Variants in ZRANB3 observed in about 807,000 individuals in gnomAD.
ZRANB3 encodes DNA annealing helicase and endonuclease ZRANB3.
ZRANB3 carries 125 observed loss-of-function variants against 133.8 expected under a neutral mutation model. The ratio of observed to expected loss-of-function variants is 0.93; its 90% CI spans 0.81 to 1.08. ZRANB3 has a LOEUF of 1.08. Ranked by LOEUF, ZRANB3 falls within the 50% of genes least tolerant of loss-of-function variation. ZRANB3 has a pLI of 0.00. For synonymous variants in ZRANB3, 387 were observed against 432.7 expected (o/e 0.89, Z 1.31); for missense variants, 1,229 against 1,275.5 (o/e 0.96, Z 0.56).
chr2:135,360,450 T>C (rs1685633530), intron 3 of ZRANB3, among the ~76,000 whole-genome samples: 1 of 151,350 alleles, frequency 6.6e-6, no homozygotes, highest in African/African-American at 2.4e-5. Context: ...CTCATGCCTG[T>C]ATCCCAGCAC....
intron 2 of ZRANB3, among the ~76,000 whole-genome samples, chr2:135,497,514 T>G (rs572024546): frequency 7.2e-4 from 109 of 152,310 alleles, no homozygotes; most frequent in African/African-American, 2.4e-3. Context: ...AATCATTAGT[T>G]GCACTAGCCA....
rs139418621 is a variant in ZRANB3, at chr2:135,288,501, T to C, written c.967-12746A>G. On this transcript the variant is annotated intron_variant, in intron 8 of 20. Coordinates refer to ENST00000264159, the MANE Select transcript of ZRANB3 (RefSeq NM_032143.4). ...ATCTTTCGGAACAGTTTCAATAGAA[T>C]TGGTACCAATTCAGTTGTGAATCCA... 2.6e-4 allele frequency among the ~76,000 whole-genome samples: 39 copies of C among 152,288 alleles called. No individual in the cohort carries two copies. In the East Asian group the frequency reaches 6.4e-3, roughly 25 times the overall value.
chr2:135,264,177 G>C (rs1261945794), intron 12 of ZRANB3, among the ~76,000 whole-genome samples: 4 of 151,332 alleles, frequency 2.6e-5, no homozygotes, highest in African/African-American at 9.7e-5. Context: ...GATGGAATTA[G>C]AAAAACCATT....
intron 9 of ZRANB3, among the ~76,000 whole-genome samples, chr2:135,275,286 G>T (rs1264041733): frequency 6.6e-6 from 1 of 151,158 alleles, no homozygotes; most frequent in Non-Finnish European, 1.5e-5. Context: ...GGGGCGGCTG[G>T]CCGGGCGGGG....
At chr2:135,519,089 G>A (rs1461217742) in intron 1 of ZRANB3, among the ~76,000 whole-genome samples, 1 of 152,066 alleles carries the variant, frequency 6.6e-6, no homozygotes, top group African/African-American at 2.4e-5. Context: ...CAAAATTTTA[G>A]AAATGGATAA....
intron 2 of ZRANB3, among the ~76,000 whole-genome samples, chr2:135,430,523 C>T (rs553927945): frequency 4.0e-5 from 6 of 151,150 alleles, no homozygotes; most frequent in African/African-American, 9.7e-5. Context: ...AACATTTGTT[C>T]AAATAGATGA....
intron 2 of ZRANB3, among the ~76,000 whole-genome samples, chr2:135,483,181 C>T (rs973801612): frequency 6.6e-5 from 10 of 151,544 alleles, no homozygotes; most frequent in African/African-American, 2.4e-4. Flanking sequence ...GGAATAGTTT[C>T]AGAAGGAATG....
chr2:135,245,945 A>AAAAAAAAAAAAAAAAAAAAAAAAAAAAAG (rs1437529464), intron 12 of ZRANB3, among the ~76,000 whole-genome samples: 1 of 146,574 alleles, frequency 6.8e-6, no homozygotes, highest in Non-Finnish European at 1.5e-5. Context: ...AAAAAAAAAA[A>AAAAAAAAAAAAAAAAAAAAAAAAAAAAAG]AAAGAGACAG....
At chr2:135,338,776 T>C (rs1684489787) in intron 6 of ZRANB3, among the ~76,000 whole-genome samples, 1 of 152,230 alleles carries the variant, frequency 6.6e-6, no homozygotes, top group Admixed American at 6.5e-5. Context: ...GCAATTTCAA[T>C]TTTGCATACA....
Position 135,207,747 on chromosome 2 carries a change from C to T in ZRANB3, c.2696G>A (p.Gly899Asp), listed in dbSNP as rs144033732. The T allele has an allele frequency of 9.8e-5, 158 of 1,613,980 alleles. No individual in the cohort carries two copies. Among genetic ancestry groups the T allele is most frequent in the Non-Finnish European group, 1.3e-4 (152 of 1,179,892 alleles). Reference sequence around the variant, plus strand: ...TTCATTATCCACAGCTTGCAAATAGCCTTTGGATGTAGAGGGCTTCACAGT... The same window carrying T: ...TTCATTATCCACAGCTTGCAAATAGTCTTTGGATGTAGAGGGCTTCACAGT... The part of the protein sequence containing the change: ...DLTVKPSTSK[G>D]YLQAVDNEGN... The change falls in exon 19 of 21, where the codon GGC becomes GAC. Residue 899 changes from glycine (G) to aspartate (D), a missense_variant. By Grantham distance (94) the Gly-to-Asp change is moderately conservative. Coordinates refer to ENST00000264159, the MANE Select transcript of ZRANB3 (RefSeq NM_032143.4).
At chr2:135,304,258 A>T (rs926460060) in intron 8 of ZRANB3, among the ~76,000 whole-genome samples, 1 of 152,190 alleles carries the variant, frequency 6.6e-6, no homozygotes, top group African/African-American at 2.4e-5. Context: ...TTTTATTGTG[A>T]TAAAGAAGTT....
At chr2:135,512,640 A>T (rs1242605127) in intron 1 of ZRANB3, among the ~76,000 whole-genome samples, 1 of 151,924 alleles carries the variant, frequency 6.6e-6, no homozygotes, top group Non-Finnish European at 1.5e-5. Flanking sequence ...TAAAAGAATT[A>T]AAAAAGACAT....
At chr2:135,506,149 G>C (rs1412772458) in intron 1 of ZRANB3, among the ~76,000 whole-genome samples, 1 of 152,132 alleles carries the variant, frequency 6.6e-6, no homozygotes, top group Non-Finnish European at 1.5e-5. Flanking sequence ...TCAGCACTTT[G>C]GGAGGCCAAA....
intron 2 of ZRANB3, among the ~76,000 whole-genome samples, chr2:135,426,311 G>C (rs969523893): frequency 6.6e-6 from 1 of 152,030 alleles, no homozygotes; most frequent in Non-Finnish European, 1.5e-5. Flanking sequence ...TTGAGGGGGA[G>C]GGACTCCTCC....
Position 135,524,650 on chromosome 2 carries a change from C to T in ZRANB3, c.-8+6477G>A, listed in dbSNP as rs572531181. On this transcript the variant is annotated intron_variant, in intron 1 of 20. Coordinates refer to ENST00000264159, the MANE Select transcript of ZRANB3 (RefSeq NM_032143.4). Reference sequence around the variant, plus strand: ...TGACTGAAAAAGAAGAGCGGGAACACACCTTACCTCTAGACACCAAAACAT... The same window carrying T: ...TGACTGAAAAAGAAGAGCGGGAACATACCTTACCTCTAGACACCAAAACAT... 2.6e-4 allele frequency among the ~76,000 whole-genome samples: 40 copies of T among 152,230 alleles called. No homozygotes were observed. The South Asian group carries it at 7.9e-3, about 30-fold the overall frequency.
Position 135,481,980 on chromosome 2 carries a change from T to C in ZRANB3, c.161+22349A>G, listed in dbSNP as rs904403112. On this transcript the variant is annotated intron_variant, in intron 2 of 20. Coordinates refer to ENST00000264159, the MANE Select transcript of ZRANB3 (RefSeq NM_032143.4). The stretch of plus-strand genomic sequence containing the variant: ...GTTCTGTTCCATTGATCTATATCTC[T>C]GTTTTGGTACCAGGACCATGCTGTT... Among the ~76,000 whole-genome samples, 23 of 135,672 alleles carry C rather than the reference T, an allele frequency of 1.7e-4. 1 individual carries two copies. Among genetic ancestry groups the C allele is most frequent in the Admixed American group, 1.5e-3 (21 of 13,938 alleles). The allele number at this position is 135,672 out of a possible 152,430, so 89.0% of individuals were successfully genotyped here.
Position 135,199,178 on chromosome 2 carries a change from A to G in ZRANB3, c.*1164T>C, listed in dbSNP as rs961916923. 1 of 152,250 alleles carries G rather than the reference A, an allele frequency of 6.6e-6. No homozygotes were observed. Among genetic ancestry groups the G allele is most frequent in the African/African-American group, 2.4e-5 (1 of 41,472 alleles). The allele number at this position is 152,250 out of a possible 1,614,324, so 9.4% of individuals were successfully genotyped here. A position where few individuals can be genotyped will look rare whatever the true frequency, so the allele number is the denominator to read the frequency against. ...ATGCCTTATTATAAAGTGTTTTGTC[A>G]TCATCACTCTTTTTAAAATAAGTAC... On this transcript the variant is annotated 3_prime_UTR_variant, in exon 21 of 21. Transcript: ENST00000264159.
At chr2:135,379,682 A>C (rs1686597953) in intron 3 of ZRANB3, among the ~76,000 whole-genome samples, 1 of 152,166 alleles carries the variant, frequency 6.6e-6, no homozygotes. Flanking sequence ...GAAAGAATCA[A>C]CCGGTACCAG....
At chr2:135,402,620 CTT>C (rs1177448874) in intron 2 of ZRANB3, among the ~76,000 whole-genome samples, 1 of 150,940 alleles carries the variant, frequency 6.6e-6, no homozygotes, top group East Asian at 1.9e-4. Context: ...CAGTTTCGCT[CTT>C]GTCACCCAGG....
Sources: gnomAD v4.1 joint callset for allele counts (sites outside exome capture counted in the v4.1 genomes callset) on GRCh38, gnomAD v4.1.1 for gene constraint, MANE v1.5 for transcripts, NCBI Gene and HGNC (gene_info 2026-07-23, HGNC 2026-07-21) for gene names.